Variants in ADGRB2 observed in about 807,000 individuals in gnomAD.
The protein encoded by ADGRB2 is brain-specific angiogenesis inhibitor 2.
A neutral mutation model predicts 178.7 loss-of-function variants in ADGRB2; 47 were observed. That is an observed-to-expected ratio of 0.26 (90% confidence interval 0.21 to 0.34). ADGRB2 has a LOEUF of 0.34. ADGRB2 is among the 10% of genes least tolerant of loss of function. ADGRB2 has a pLI of 1.00. For synonymous variants in ADGRB2, 870 were observed against 912.4 expected, an observed-to-expected ratio of 0.95 and a Z score of 0.84; for missense variants, 1,584 against 2,180.8, an observed-to-expected ratio of 0.73 and a Z score of 5.45.
chr1:31,738,573 GCCAC>G lies in ADGRB2; in HGVS notation c.2645+10_2645+13del. On this transcript the variant is annotated intron_variant, in intron 17 of 32. Transcript: ENST00000373658. ...GCTGCTCCCTTCCTCACCCAGAGGA[GCCAC>G]CCAACTCACGCTCTGGAGTAGTCCC... 6.2e-7 allele frequency: 1 copy of G among 1,604,368 alleles called. No homozygotes were observed. The highest frequency in any genetic ancestry group is 1.1e-5 in the South Asian group (1 of 89,450).
intron 7 of ADGRB2, 135 bp from the exon 8 acceptor site, chr1:31,742,352 G>T: frequency 2.4e-6 from 3 of 1,254,666 alleles, no homozygotes; most frequent in Non-Finnish European, 3.3e-6. Flanking sequence ...GGAGTGGGGA[G>T]GGGAGGGGGT....
Position 31,741,961 on chromosome 1 carries a change from T to C in ADGRB2, c.1424A>G (p.Asp475Gly). The C allele has an allele frequency of 1.3e-6, 2 of 1,589,700 alleles. No individual in the cohort carries two copies. The highest frequency in any genetic ancestry group is 1.7e-6 in the Non-Finnish European group (2 of 1,163,684). ...ECSNLECPAT[D>G]SKWGPWNAWS... ...CGCATTCCATGGCCCCCACTTGCTA[T>C]CAGTGGCTGTGGGAGAGGTGAGGCA... Residue 475 changes from aspartate to glycine, a missense_variant, in exon 9 of 33, where the codon GAT becomes GGT. This residue lies in a region of ADGRB2 where 657 missense variants were observed against 847.6 expected (regional missense o/e 0.78). Transcript: ENST00000373658. This position sits in a 1 kb window ranked among gnomAD's most constrained non-coding sequence, Gnocchi z 6.5.
intron 27 of ADGRB2, among the ~76,000 whole-genome samples, 174 bp downstream of exon 27, chr1:31,732,343 G>A (rs1226309933): frequency 6.6e-6 from 1 of 152,272 alleles, no homozygotes; most frequent in African/African-American, 2.4e-5. Context: ...TAGGAAAACT[G>A]AGTGGGGGAA....
In ADGRB2 at chr1:31,744,066, G is replaced by A. The variant is rs1646138393; in HGVS notation, c.1087+127C>T. The stretch of plus-strand genomic sequence containing the variant: ...CATGGTACGCAGAGTTGGGCATGGT[G>A]TGGGGAACAGCCACATTTGTTGAAT... On this transcript the variant is annotated intron_variant, in intron 6 of 32. Transcript: ENST00000373658. The surrounding 1 kb of genome is among the most constrained non-coding windows in gnomAD (Gnocchi z 6.7). The A allele has an allele frequency of 8.0e-7, 1 of 1,251,114 alleles. No individual in the cohort carries two copies. 77.5% of individuals were successfully genotyped at this position (1,251,114 alleles called of 1,614,324 possible).
Position 31,757,524 on chromosome 1 carries a change from AG to A in ADGRB2, c.-190-14del. ...TGCTGTGGATTTCCTGGTTGGAATA[AG>A]GGGGAGAGGCACCGAGTAAGGGGAC... On this transcript the variant is annotated splice_polypyrimidine_tract_variant and intron_variant, in intron 1 of 32. Coordinates refer to ENST00000373658, the MANE Select transcript of ADGRB2 (RefSeq NM_001364857.2). 1 of 415,466 alleles carries A rather than the reference AG, an allele frequency of 2.4e-6. No individual in the cohort carries two copies. The highest frequency in any genetic ancestry group is 3.6e-5 in the South Asian group (1 of 27,902). 25.7% of individuals were successfully genotyped at this position (415,466 alleles called of 1,614,324 possible).
chr1:31,734,463 G>A (rs981346525), intron 25 of ADGRB2, among the ~76,000 whole-genome samples: 9 of 152,208 alleles, frequency 5.9e-5, no homozygotes, highest in Non-Finnish European at 1.0e-4. Context: ...AGGGAGCTTC[G>A]TGGTGACGGT....
At position 31,735,313 on chromosome 1, in the gene ADGRB2, G is replaced by T; in HGVS notation, c.3354-32C>A. 1 of 1,461,662 alleles carries T rather than the reference G, an allele frequency of 6.8e-7. No homozygotes were observed. The highest frequency in any genetic ancestry group is 1.3e-5 in the South Asian group (1 of 75,208). 90.5% of individuals were successfully genotyped at this position (1,461,662 alleles called of 1,614,324 possible). A position where few individuals can be genotyped will look rare whatever the true frequency, so the allele number is the denominator to read the frequency against. On this transcript the variant is annotated intron_variant, in intron 24 of 32. Transcript: ENST00000373658. This position sits in a 1 kb window ranked among gnomAD's most constrained non-coding sequence, Gnocchi z 6.0. The stretch of plus-strand genomic sequence containing the variant: ...GGCGGCACAGACATGGGAGAAGGAG[G>T]GGAAACACATGGGAAGCCGGGAGAT...
At chr1:31,763,505 G>C (rs1647108255) in intron 1 of ADGRB2, among the ~76,000 whole-genome samples, 1 of 127,200 alleles carries the variant, frequency 7.9e-6, no homozygotes, top group South Asian at 3.0e-4. Context: ...TAATGGGGGG[G>C]CTCTAATAAA....
rs150739814 is a variant in ADGRB2, at chr1:31,749,421, T to G, written c.839-4690A>C. Reference sequence around the variant, plus strand: ...TATGGACCTGTGGAAAGGGCACAGATTCTAGAGCCAGACACATGTGGGTTT... The same window carrying G: ...TATGGACCTGTGGAAAGGGCACAGAGTCTAGAGCCAGACACATGTGGGTTT... On this transcript the variant is annotated intron_variant, in intron 4 of 32. Transcript: ENST00000373658. Among the ~76,000 whole-genome samples the G allele has an allele frequency of 4.9e-3, 742 of 152,330 alleles. 4 individuals carry two copies. Among genetic ancestry groups the G allele is most frequent in the Middle Eastern group, 0.048 (14 of 294 alleles).
At chr1:31,730,577 C>T (rs148566374) in intron 29 of ADGRB2, among the ~76,000 whole-genome samples, 9 of 152,316 alleles carry the variant, frequency 5.9e-5, no homozygotes, top group East Asian at 1.9e-4. Context: ...CAAGTGTGAA[C>T]GAGTCGAGAA....
intron 29 of ADGRB2, 113 bp downstream of exon 29, chr1:31,730,686 TC>T (rs1166582247): frequency 3.8e-6 from 5 of 1,331,206 alleles, no homozygotes; most frequent in Middle Eastern, 2.8e-4. Flanking sequence ...GTGTATCCAC[TC>T]CCAGTGACTT....
chr1:31,743,036 C>G lies in ADGRB2; in HGVS notation c.1088-34G>C, dbSNP rs2148969115. On this transcript the variant is annotated intron_variant, in intron 6 of 32. Transcript: ENST00000373658. ...AAGCACGTGGCCGGTGGCTGGGCGG[C>G]ACCATGGCCCCGCCCACCACCGGCG... is the stretch of plus-strand genomic sequence containing the variant. The G allele has an allele frequency of 2.2e-6, 3 of 1,371,428 alleles. No homozygotes were observed. The East Asian group carries it at 9.1e-5, about 41-fold the overall frequency. 85.0% of individuals were successfully genotyped at this position (1,371,428 alleles called of 1,614,324 possible).
rs750281448 is a variant in ADGRB2 at position 31,753,165 on chromosome 1, C to A, written c.838+2834G>T. ...AGCCCTGCAGCTGGCACTAACTCTG[C>A]GGCCCGCCTTCCAGCCCTGACCTCA... On this transcript the variant is annotated intron_variant, in intron 4 of 32. Coordinates refer to ENST00000373658, the MANE Select transcript of ADGRB2 (RefSeq NM_001364857.2). This position sits in a 1 kb window ranked among gnomAD's most constrained non-coding sequence, Gnocchi z 4.1. 6.6e-6 allele frequency among the ~76,000 whole-genome samples: 1 copy of A among 152,240 alleles called. No homozygotes were observed. Among genetic ancestry groups the A allele is most frequent in the African/African-American group, 2.4e-5 (1 of 41,462 alleles).
Position 31,764,183 on chromosome 1 carries a change from G to T in ADGRB2, c.-490C>A. The T allele has an allele frequency of 2.6e-6, 1 of 386,618 alleles. No homozygotes were observed. Among genetic ancestry groups the T allele is most frequent in the Non-Finnish European group, 3.5e-6 (1 of 287,264 alleles). 23.9% of individuals were successfully genotyped at this position (386,618 alleles called of 1,614,324 possible). A position where few individuals can be genotyped will look rare whatever the true frequency, so the allele number is the denominator to read the frequency against. On this transcript the variant is annotated 5_prime_UTR_variant, in exon 1 of 33. Coordinates refer to ENST00000373658, the MANE Select transcript of ADGRB2 (RefSeq NM_001364857.2). The surrounding 1 kb of genome is among the most constrained non-coding windows in gnomAD (Gnocchi z 7.3). ...CTCCCCCGCCCCGAGCACCGCCCGCGCCGCGCGCCGCCTCCTATTTGCGGG... is the reference window on the plus strand; with the variant it reads ...CTCCCCCGCCCCGAGCACCGCCCGCTCCGCGCGCCGCCTCCTATTTGCGGG...
chr1:31,741,323 A>G lies in ADGRB2; in HGVS notation c.1794+50T>C. 11 of 1,529,936 alleles carry G rather than the reference A, an allele frequency of 7.2e-6. 1 individual carries two copies. The highest frequency in any genetic ancestry group is 9.8e-6 in the Non-Finnish European group (11 of 1,123,868). The allele number at this position is 1,529,936 out of a possible 1,614,324, so 94.8% of individuals were successfully genotyped here. ...AATCACGCTCCCTCCACCCCCTAGC[A>G]GAGTCTGAGACAGATTCTGCTGTGC... is the stretch of plus-strand genomic sequence containing the variant. On this transcript the variant is annotated intron_variant, in intron 11 of 32. Transcript: ENST00000373658. The surrounding 1 kb of genome is among the most constrained non-coding windows in gnomAD (Gnocchi z 6.5).
Position 31,756,160 on chromosome 1 carries a change from G to T in ADGRB2, c.677C>A (p.Pro226His). ...GGTGGAGCCGGCCCCCGCCTCTCCA[G>T]GGCAGCTGCAGCCTGGCTGAGCAAA... ...CGFAQPGCSCPGEAGAGSTTT... is the reference protein window; with the variant it reads ...CGFAQPGCSCHGEAGAGSTTT... Residue 226 changes from proline (P) to histidine (H), a missense_variant, in exon 4 of 33, where the codon CCT becomes CAT. Around this residue, in one of 3 missense-constraint regions of ADGRB2, gnomAD observed 657 missense variants for 847.6 expected, o/e 0.78. Transcript: ENST00000373658. The surrounding 1 kb of genome is among the most constrained non-coding windows in gnomAD (Gnocchi z 8.5). 1.2e-6 allele frequency: 2 copies of T among 1,613,406 alleles called. No homozygotes were observed. Among genetic ancestry groups the T allele is most frequent in the Non-Finnish European group, 1.7e-6 (2 of 1,179,870 alleles).
intron 16 of ADGRB2, 68 bp from the exon 17 acceptor site, chr1:31,738,698 C>T: frequency 1.9e-6 from 3 of 1,600,262 alleles, no homozygotes; most frequent in Non-Finnish European, 2.6e-6. Flanking sequence ...CTGCCCATGC[C>T]ATGGGGGCCA....
At chr1:31,751,961 C>A (rs1646594549) in intron 4 of ADGRB2, among the ~76,000 whole-genome samples, 1 of 152,190 alleles carries the variant, frequency 6.6e-6, no homozygotes, top group Non-Finnish European at 1.5e-5. Flanking sequence ...TCACTGAACC[C>A]TCCCCACAGC....
chr1:31,735,783 C>A lies in ADGRB2; in HGVS notation c.3267+44G>T. 1 of 1,597,900 alleles carries A rather than the reference C, an allele frequency of 6.3e-7. No homozygotes were observed. Among genetic ancestry groups the A allele is most frequent in the Non-Finnish European group, 8.5e-7 (1 of 1,170,468 alleles). Reference sequence around the variant, plus strand: ...GAGGTAGAGGGAGAAACAGGATGACCCTCTGGGGCCATGCCCCTTCCAAGA... The same window carrying A: ...GAGGTAGAGGGAGAAACAGGATGACACTCTGGGGCCATGCCCCTTCCAAGA... On this transcript the variant is annotated intron_variant, in intron 23 of 32. Coordinates refer to ENST00000373658, the MANE Select transcript of ADGRB2 (RefSeq NM_001364857.2). This position sits in a 1 kb window ranked among gnomAD's most constrained non-coding sequence, Gnocchi z 6.0.
Sources: gnomAD v4.1 joint callset for allele counts (sites outside exome capture counted in the v4.1 genomes callset) on GRCh38, gnomAD v4.1.1 for gene constraint, gnomAD v4.1.1 regional missense constraint, Gnocchi (gnomAD v3.1) non-coding constraint, MANE v1.5 for transcripts, NCBI Gene and HGNC (gene_info 2026-07-23, HGNC 2026-07-21) for gene names.